Variants in CRHR1 observed in about 807,000 individuals in gnomAD.
The protein encoded by CRHR1 is corticotropin-releasing hormone receptor 1.
CRHR1 carries 28 observed loss-of-function variants against 56.0 expected under a neutral mutation model. That is an observed-to-expected ratio of 0.50 (90% CI 0.37 to 0.69). The LOEUF (loss-of-function observed/expected upper bound fraction) is 0.69. CRHR1 is among the 30% of genes least tolerant of loss of function. The pLI is 0.00. For synonymous variants in CRHR1, 195 were observed against 216.5 expected (o/e 0.90, Z 0.87); for missense variants, 376 against 548.0 (o/e 0.69, Z 3.13).
Position 45,830,422 on chromosome 17 carries a change from G to A in CRHR1, c.561G>A (p.Trp187Ter), listed in dbSNP as rs897069065. 3 of 1,607,552 alleles carry A rather than the reference G, an allele frequency of 1.9e-6. No individual in the cohort carries two copies. Among genetic ancestry groups the A allele is most frequent in the Non-Finnish European group, 2.5e-6 (3 of 1,176,572 alleles). ...SPEVHQSNVG[W>*]CRLVTAAYNY... ...GGTTGGGGGTGGGGTGGCAGGGCTGGTGCAGGTTGGTGACAGCCGCCTACA... is the reference window on the plus strand; with the variant it reads ...GGTTGGGGGTGGGGTGGCAGGGCTGATGCAGGTTGGTGACAGCCGCCTACA... Residue 187 changes from tryptophan to a stop codon, truncating the protein, a stop_gained, in exon 7 of 13, where the codon TGG becomes TGA. Coordinates refer to ENST00000314537, the MANE Select transcript of CRHR1 (RefSeq NM_004382.5). LOFTEE classifies it high-confidence loss of function.
chr17:45,799,215 C>T (rs1249452511), intron 1 of CRHR1, among the ~76,000 whole-genome samples: 1 of 152,250 alleles, frequency 6.6e-6, no homozygotes, highest in Non-Finnish European at 1.5e-5. Flanking sequence ...CTATCCCCCA[C>T]TGACCCCTCC....
intron 2 of CRHR1, among the ~76,000 whole-genome samples, chr17:45,815,974 A>G (rs1205426248): frequency 6.6e-6 from 1 of 152,172 alleles, no homozygotes; most frequent in Admixed American, 6.5e-5. Context: ...AACTTCATTT[A>G]GCTGATTCTT....
intron 1 of CRHR1, among the ~76,000 whole-genome samples, chr17:45,805,280 C>G (rs1471947347): frequency 6.6e-6 from 1 of 152,036 alleles, no homozygotes; most frequent in Non-Finnish European, 1.5e-5. Context: ...TTAAAATATT[C>G]CGTATCTTGA....
At chr17:45,797,012 C>T (rs1029716369) in intron 1 of CRHR1, among the ~76,000 whole-genome samples, 15 of 152,356 alleles carry the variant, frequency 9.8e-5, no homozygotes, top group South Asian at 4.1e-4. Flanking sequence ...AGCTACGCTC[C>T]GGGCACCCCC....
intron 2 of CRHR1, among the ~76,000 whole-genome samples, chr17:45,813,982 T>G (rs2061875841): frequency 1.3e-5 from 2 of 152,372 alleles, no homozygotes; most frequent in African/African-American, 4.8e-5. Context: ...AGAAGGCCTA[T>G]CCTCAGTGGC....
intron 3 of CRHR1, among the ~76,000 whole-genome samples, chr17:45,819,919 G>A (rs2062006528): frequency 6.6e-6 from 1 of 152,226 alleles, no homozygotes; most frequent in Admixed American, 6.5e-5. Flanking sequence ...TCCTGATGCT[G>A]CCAGCAGAGG....
intron 2 of CRHR1, among the ~76,000 whole-genome samples, chr17:45,815,590 T>C (rs984897958): frequency 2.0e-5 from 3 of 152,242 alleles, no homozygotes; most frequent in Admixed American, 1.3e-4. Flanking sequence ...ATATTTTCAT[T>C]ACATTCAGGG....
intron 1 of CRHR1, among the ~76,000 whole-genome samples, chr17:45,793,693 C>T (rs776078368): frequency 2.9e-4 from 44 of 152,306 alleles, no homozygotes; most frequent in African/African-American, 8.9e-4. Context: ...CTGTGAAATG[C>T]AGGGCAGGGG....
At chr17:45,799,168 A>C (rs976278096) in intron 1 of CRHR1, among the ~76,000 whole-genome samples, 1 of 152,222 alleles carries the variant, frequency 6.6e-6, no homozygotes, top group East Asian at 1.9e-4. Context: ...AAGGTGCCCC[A>C]TGAGGGTGCC....
At chr17:45,830,687 T>G in intron 7 of CRHR1, 117 bp downstream of exon 7, 2 of 1,368,168 alleles carry the variant, frequency 1.5e-6, no homozygotes, top group Non-Finnish European at 9.9e-7. Flanking sequence ...GTTGGGGCGG[T>G]AAGGTGTGCA....
At chr17:45,793,050 A>G (rs1598397789) in intron 1 of CRHR1, among the ~76,000 whole-genome samples, 1 of 152,328 alleles carries the variant, frequency 6.6e-6, no homozygotes, top group East Asian at 1.9e-4. Flanking sequence ...CTCCCCAATG[A>G]ACGTCTGTCT....
chr17:45,791,555 T>C (rs1037559792), intron 1 of CRHR1, among the ~76,000 whole-genome samples: 1 of 152,118 alleles, frequency 6.6e-6, no homozygotes, highest in Non-Finnish European at 1.5e-5. Context: ...TATGCCCGGG[T>C]TCTGAGGCCA....
At chr17:45,799,309 C>T (rs531475747) in intron 1 of CRHR1, 3 of 152,344 alleles carry the variant, frequency 2.0e-5, no homozygotes, top group Non-Finnish European at 2.9e-5. Flanking sequence ...TCAATTAGTC[C>T]GTAACTACAG....
At chr17:45,798,340 A>G (rs1321281871) in intron 1 of CRHR1, among the ~76,000 whole-genome samples, 2 of 152,246 alleles carry the variant, frequency 1.3e-5, no homozygotes, top group Non-Finnish European at 1.5e-5. Context: ...AGCATGGCCA[A>G]CATGGCGAAA....
intron 8 of CRHR1, among the ~76,000 whole-genome samples, chr17:45,831,904 C>G (rs2143254432): frequency 6.6e-6 from 1 of 152,286 alleles, no homozygotes; most frequent in East Asian, 1.9e-4. Flanking sequence ...AAAGAGGAGC[C>G]TGGAAGATTA....
At chr17:45,795,383 C>T (rs917226813) in intron 1 of CRHR1, among the ~76,000 whole-genome samples, 1 of 152,236 alleles carries the variant, frequency 6.6e-6, no homozygotes, top group Non-Finnish European at 1.5e-5. Flanking sequence ...TTGAAACCCT[C>T]CAACCCAGGG....
At chr17:45,823,403 CTTTTTTTTTTT>C (rs71138512) in intron 4 of CRHR1, among the ~76,000 whole-genome samples, 1 of 100,602 alleles carries the variant, frequency 9.9e-6, no homozygotes. Context: ...GGGACATTCC[CTTTTTTTTTTT>C]TTTTTTTTTT....
chr17:45,794,532 T>C (rs1325171998), intron 1 of CRHR1, among the ~76,000 whole-genome samples: 1 of 152,224 alleles, frequency 6.6e-6, no homozygotes, highest in African/African-American at 2.4e-5. Flanking sequence ...TAGTGGCTCT[T>C]TCTGGCAGCC....
intron 1 of CRHR1, among the ~76,000 whole-genome samples, chr17:45,791,431 A>G (rs2061423286): frequency 6.6e-6 from 1 of 152,158 alleles, no homozygotes; most frequent in African/African-American, 2.4e-5. Context: ...CTTACGGAAG[A>G]TGCGGAGACA....
Sources: gnomAD v4.1 joint callset for allele counts (sites outside exome capture counted in the v4.1 genomes callset) on GRCh38, gnomAD v4.1.1 for gene constraint, MANE v1.5 for transcripts, NCBI Gene and HGNC (gene_info 2026-07-23, HGNC 2026-07-21) for gene names.